Variants in HINT3 observed in about 807,000 individuals in gnomAD.
HINT3 encodes adenosine 5'-monophosphoramidase HINT3.
HINT3 carries 16 observed loss-of-function variants against 19.1 expected under a neutral mutation model. That is an observed-to-expected ratio of 0.84 (90% CI 0.57 to 1.27). HINT3 has a LOEUF of 1.27. Ranked by LOEUF, HINT3 falls within the 50% of genes most tolerant of loss-of-function variation. HINT3 has a pLI of 0.00. For synonymous variants in HINT3, 75 were observed against 84.8 expected (o/e 0.88, Z 0.63); for missense variants, 197 against 225.8 (o/e 0.87, Z 0.82).
At chr6:125,972,611 A>G (rs1239555896) in intron 3 of HINT3, among the ~76,000 whole-genome samples, 1 of 152,114 alleles carries the variant, frequency 6.6e-6, no homozygotes, top group Non-Finnish European at 1.5e-5. Flanking sequence ...AATTTTTGAG[A>G]TAGGATCTCA....
chr6:125,961,263 A>G (rs902353170), intron 1 of HINT3, among the ~76,000 whole-genome samples: 3 of 152,238 alleles, frequency 2.0e-5, no homozygotes, highest in African/African-American at 7.2e-5. Context: ...TTCCCATTCA[A>G]CAACAGCAAT....
intron 1 of HINT3, among the ~76,000 whole-genome samples, chr6:125,962,273 T>C (rs1389851307): frequency 0.14 from 3,684 of 26,018 alleles, 466 homozygotes; most frequent in East Asian, 0.43. Flanking sequence ...TATATATACA[T>C]ACATATATAT....
At chr6:125,958,620 G>A (rs1288366668) in intron 1 of HINT3, among the ~76,000 whole-genome samples, 1 of 152,194 alleles carries the variant, frequency 6.6e-6, no homozygotes, top group Non-Finnish European at 1.5e-5. Context: ...GTATTCAGGA[G>A]GTAAAACAGG....
At chr6:125,961,518 C>A (rs1269023438) in intron 1 of HINT3, among the ~76,000 whole-genome samples, 2 of 152,222 alleles carry the variant, frequency 1.3e-5, no homozygotes, top group Non-Finnish European at 2.9e-5. Context: ...GGGGATCCCA[C>A]AAGCTTCTCT....
chr6:125,968,900 C>T (rs542365517), intron 2 of HINT3, among the ~76,000 whole-genome samples: 10 of 152,156 alleles, frequency 6.6e-5, no homozygotes, highest in South Asian at 2.1e-4. Flanking sequence ...TTTACAGATC[C>T]GGGATATTGC....
chr6:125,976,256 C>G (rs1789177143), intron 4 of HINT3, among the ~76,000 whole-genome samples: 1 of 151,824 alleles, frequency 6.6e-6, no homozygotes, highest in South Asian at 2.1e-4. Context: ...TATAAAAATA[C>G]AAAAATTAGC....
chr6:125,962,282 A>T lies in HINT3; in HGVS notation c.202-4605A>T. On this transcript the variant is annotated intron_variant, in intron 1 of 4. Coordinates refer to ENST00000229633, the MANE Select transcript of HINT3 (RefSeq NM_138571.5). ...TATATATATATATACATACATATAT[A>T]TATACACATATATATATATATATAT... is the stretch of plus-strand genomic sequence containing the variant. Among the ~76,000 whole-genome samples, 3 of 33,938 alleles carry T rather than the reference A, an allele frequency of 8.8e-5. 1 individual carries two copies. The highest frequency in any genetic ancestry group is 6.1e-4 in the African/African-American group (3 of 4,934). The allele number at this position is 33,938 out of a possible 152,430, so 22.3% of individuals were successfully genotyped here. A position where few individuals can be genotyped will look rare whatever the true frequency, so the allele number is the denominator to read the frequency against.
chr6:125,976,374 C>T (rs886414259), intron 4 of HINT3, among the ~76,000 whole-genome samples: 4 of 151,832 alleles, frequency 2.6e-5, no homozygotes, highest in Admixed American at 1.3e-4. Context: ...TGCCACTCCA[C>T]TCCAGCCTGG....
chr6:125,970,039 C>T (rs1789077085), intron 2 of HINT3, among the ~76,000 whole-genome samples: 2 of 152,022 alleles, frequency 1.3e-5, no homozygotes, highest in African/African-American at 4.8e-5. Flanking sequence ...TCATGAGGTT[C>T]TGGGATTAGT....
intron 1 of HINT3, among the ~76,000 whole-genome samples, chr6:125,962,822 T>C (rs1189155394): frequency 6.6e-6 from 1 of 152,094 alleles, no homozygotes; most frequent in Non-Finnish European, 1.5e-5. Context: ...TGGTTCTTGG[T>C]GGTGGTGGGG....
chr6:125,959,837 ACT>A (rs1204281562), intron 1 of HINT3, among the ~76,000 whole-genome samples: 1 of 152,158 alleles, frequency 6.6e-6, no homozygotes, highest in African/African-American at 2.4e-5. Context: ...CTCATTCCTC[ACT>A]CTCTGTGTGC....
chr6:125,974,506 T>C (rs1159039844), intron 3 of HINT3, among the ~76,000 whole-genome samples: 1 of 152,212 alleles, frequency 6.6e-6, no homozygotes. Flanking sequence ...TAAAAATTCA[T>C]TGCAAGAGCA....
At chr6:125,960,323 T>C (rs767353234) in intron 1 of HINT3, among the ~76,000 whole-genome samples, 1 of 152,146 alleles carries the variant, frequency 6.6e-6, no homozygotes, top group Non-Finnish European at 1.5e-5. Context: ...AGGGTTGGGA[T>C]TTTGCCATGT....
In HINT3 at chr6:125,956,867, A is replaced by C. The variant is rs1023281094; in HGVS notation, c.-111A>C. 30 of 1,091,440 alleles carry C rather than the reference A, an allele frequency of 2.7e-5. No individual in the cohort carries two copies. In the Middle Eastern group the frequency reaches 1.4e-3, roughly 50 times the overall value. The allele number at this position is 1,091,440 out of a possible 1,614,324, so 67.6% of individuals were successfully genotyped here. On this transcript the variant is annotated 5_prime_UTR_variant, in exon 1 of 5. Transcript: ENST00000229633. Reference sequence around the variant, plus strand: ...AAAGCCTGGATCACCGCCCAGCGTCAGGCGAGGGGCGACGTCTCGAGGTAA... The same window carrying C: ...AAAGCCTGGATCACCGCCCAGCGTCCGGCGAGGGGCGACGTCTCGAGGTAA...
At chr6:125,963,277 G>C (rs909093427) in intron 1 of HINT3, among the ~76,000 whole-genome samples, 22 of 152,166 alleles carry the variant, frequency 1.4e-4, no homozygotes, top group African/African-American at 5.3e-4. Context: ...ATTCAAAAGG[G>C]GGAGGGGGAG....
chr6:125,968,009 T>C (rs2128711385), intron 2 of HINT3, among the ~76,000 whole-genome samples: 1 of 152,366 alleles, frequency 6.6e-6, no homozygotes. Flanking sequence ...GATTTGAAGA[T>C]TTAGATAAAA....
At chr6:125,970,755 A>G (rs1016085074) in intron 2 of HINT3, among the ~76,000 whole-genome samples, 1 of 152,210 alleles carries the variant, frequency 6.6e-6, no homozygotes, top group Non-Finnish European at 1.5e-5. Flanking sequence ...AAAGTTGACC[A>G]TATTCCGAGC....
chr6:125,956,906 C>G lies in HINT3; in HGVS notation c.-72C>G. On this transcript the variant is annotated 5_prime_UTR_variant, in exon 1 of 5. Coordinates refer to ENST00000229633, the MANE Select transcript of HINT3 (RefSeq NM_138571.5). ...GTCTCGAGGTAAAACGGAGGAGGTG[C>G]GGGACGCGGAGACTGCGCGGGCCCG... 7.0e-7 allele frequency: 1 copy of G among 1,436,540 alleles called. No individual in the cohort carries two copies. Among genetic ancestry groups the G allele is most frequent in the Non-Finnish European group, 9.4e-7 (1 of 1,060,336 alleles). 89.0% of individuals were successfully genotyped at this position (1,436,540 alleles called of 1,614,324 possible). A position where few individuals can be genotyped will look rare whatever the true frequency, so the allele number is the denominator to read the frequency against.
At chr6:125,966,825 A>C (rs538597571) in intron 1 of HINT3, 62 bp from the exon 2 acceptor site, 51 of 1,063,132 alleles carry the variant, frequency 4.8e-5, no homozygotes, top group Non-Finnish European at 6.9e-5. Flanking sequence ...TATTTAAGTC[A>C]TGCCAGAACA....
Sources: gnomAD v4.1 joint callset for allele counts (sites outside exome capture counted in the v4.1 genomes callset) on GRCh38, gnomAD v4.1.1 for gene constraint, MANE v1.5 for transcripts, NCBI Gene and HGNC (gene_info 2026-07-23, HGNC 2026-07-21) for gene names.